The following MSRA variants were observed in gnomAD, a reference collection of about 807,000 sequenced individuals.
MSRA encodes methionine sulfoxide reductase A.
In MSRA, 54 loss-of-function variants were observed where a neutral mutation model predicts 31.3. The observed-to-expected ratio is 1.73, with a 90% CI of 1.39 to 2.17. The LOEUF is 2.17. Ranked by LOEUF, MSRA falls within the 30% of genes most tolerant of loss-of-function variation. MSRA has a pLI of 0.00. For synonymous variants in MSRA, 169 were observed against 116.5 expected, an observed-to-expected ratio of 1.45 and a Z score of -2.90; for missense variants, 507 against 300.9, an observed-to-expected ratio of 1.69 and a Z score of -5.07.
At chr8:10,078,481 C>A (rs1489610229) in intron 1 of MSRA, among the ~76,000 whole-genome samples, 5 of 152,252 alleles carry the variant, frequency 3.3e-5, no homozygotes, top group Admixed American at 2.0e-4. Flanking sequence ...GGGACTCTGC[C>A]CTCAGGCACC....
intron 1 of MSRA, among the ~76,000 whole-genome samples, chr8:10,129,823 C>G (rs1211108252): frequency 1.4e-5 from 2 of 145,804 alleles, no homozygotes; most frequent in East Asian, 2.1e-4. Flanking sequence ...AACTCTGTGT[C>G]TGGCTTGCAC....
At chr8:10,304,860 A>C (rs564933347) in intron 4 of MSRA, among the ~76,000 whole-genome samples, 13 of 152,302 alleles carry the variant, frequency 8.5e-5, no homozygotes, top group Middle Eastern at 3.4e-3. Context: ...GGTGATTCTG[A>C]TCTGTGAGGC....
intron 5 of MSRA, among the ~76,000 whole-genome samples, chr8:10,404,402 C>T (rs182665607): frequency 4.5e-4 from 69 of 152,354 alleles, no homozygotes; most frequent in African/African-American, 1.5e-3. Flanking sequence ...GATCCCGTCA[C>T]CACCCCCCAA....
At chr8:10,112,317 AC>A (rs1800349520) in intron 1 of MSRA, among the ~76,000 whole-genome samples, 1 of 152,332 alleles carries the variant, frequency 6.6e-6, no homozygotes, top group African/African-American at 2.4e-5. Flanking sequence ...TTGATTCAAC[AC>A]CTACTTTTTC....
chr8:10,424,858 G>C (rs1183420028), intron 5 of MSRA, among the ~76,000 whole-genome samples: 3 of 152,226 alleles, frequency 2.0e-5, no homozygotes, highest in East Asian at 3.9e-4. Flanking sequence ...GAGATGTCAT[G>C]ATTAACTTAA....
intron 3 of MSRA, among the ~76,000 whole-genome samples, chr8:10,261,579 T>A (rs1236133376): frequency 6.6e-6 from 1 of 152,132 alleles, no homozygotes; most frequent in Non-Finnish European, 1.5e-5. Flanking sequence ...AATTTTAGGT[T>A]TAAGCAGAAA....
intron 1 of MSRA, among the ~76,000 whole-genome samples, chr8:10,151,415 G>A (rs1803665257): frequency 6.6e-6 from 1 of 151,962 alleles, no homozygotes; most frequent in South Asian, 2.1e-4. Context: ...AGGCTGAGGT[G>A]GGCGGATCAT....
intron 1 of MSRA, among the ~76,000 whole-genome samples, chr8:10,084,487 G>A (rs1253599863): frequency 2.6e-5 from 4 of 152,208 alleles, no homozygotes; most frequent in Non-Finnish European, 5.9e-5. Flanking sequence ...ATTTCATGTG[G>A]GGATTGGCTC....
At chr8:10,373,899 C>T (rs1283208601) in intron 5 of MSRA, among the ~76,000 whole-genome samples, 2 of 152,174 alleles carry the variant, frequency 1.3e-5, no homozygotes, top group African/African-American at 4.8e-5. Flanking sequence ...TGAAGTGAAG[C>T]ATTGGCTGTG....
intron 1 of MSRA, among the ~76,000 whole-genome samples, chr8:10,080,488 G>C (rs931277108): frequency 6.6e-6 from 1 of 152,032 alleles, no homozygotes; most frequent in African/African-American, 2.4e-5. Context: ...GTGCTTTGTG[G>C]ACTGTCAGTT....
intron 2 of MSRA, among the ~76,000 whole-genome samples, chr8:10,243,613 T>G (rs1797454746): frequency 6.6e-6 from 1 of 152,196 alleles, no homozygotes; most frequent in Non-Finnish European, 1.5e-5. Context: ...TTTTTTATTC[T>G]TAAAGTAATA....
chr8:10,230,045 GT>G (rs765057452), intron 2 of MSRA, among the ~76,000 whole-genome samples: 2 of 152,216 alleles, frequency 1.3e-5, no homozygotes, highest in African/African-American at 2.4e-5. Flanking sequence ...ATTTCAAAGT[GT>G]TACAGTTTAA....
intron 5 of MSRA, among the ~76,000 whole-genome samples, chr8:10,373,846 A>T (rs937171136): frequency 1.3e-5 from 2 of 152,180 alleles, no homozygotes. Flanking sequence ...GAGGGCTCTG[A>T]GCAGGTGCAG....
chr8:10,236,717 G>T (rs1158214227), intron 2 of MSRA, among the ~76,000 whole-genome samples: 1 of 152,044 alleles, frequency 6.6e-6, no homozygotes, highest in African/African-American at 2.4e-5. Flanking sequence ...GCTAATTTTT[G>T]TATTTTTTAG....
At chr8:10,300,083 A>G (rs1343644844) in intron 3 of MSRA, among the ~76,000 whole-genome samples, 2 of 151,598 alleles carry the variant, frequency 1.3e-5, no homozygotes, top group East Asian at 3.9e-4. Flanking sequence ...ATATAGTGGT[A>G]AGAGAGAAAA....
chr8:10,339,573 G>T (rs1301680147), intron 5 of MSRA, among the ~76,000 whole-genome samples: 1 of 113,198 alleles, frequency 8.8e-6, no homozygotes. Context: ...ACGGAATCTC[G>T]TTCTGTCGCC....
At chr8:10,190,386 C>A (rs1383101479) in intron 1 of MSRA, among the ~76,000 whole-genome samples, 1 of 152,204 alleles carries the variant, frequency 6.6e-6, no homozygotes, top group Admixed American at 6.5e-5. Context: ...GCAGATGATT[C>A]CAAGGCCTCC....
chr8:10,365,142 CAAA>C (rs1171189760), intron 5 of MSRA, among the ~76,000 whole-genome samples: 10 of 61,280 alleles, frequency 1.6e-4, no homozygotes, highest in Admixed American at 9.7e-4. Context: ...GTGAAGCAAC[CAAA>C]AAAAAAAAAA....
chr8:10,256,553 C>T (rs1173759845), intron 3 of MSRA, among the ~76,000 whole-genome samples: 1 of 152,164 alleles, frequency 6.6e-6, no homozygotes, highest in Non-Finnish European at 1.5e-5. Context: ...TGATATCAGG[C>T]AACTGGGGGC....
Sources: gnomAD v4.1 joint callset for allele counts (sites outside exome capture counted in the v4.1 genomes callset) on GRCh38, gnomAD v4.1.1 for gene constraint, MANE v1.5 for transcripts, NCBI Gene and HGNC (gene_info 2026-07-23, HGNC 2026-07-21) for gene names.